Variants in CADPS2 observed in about 807,000 individuals in gnomAD.
The protein encoded by CADPS2 is calcium-dependent secretion activator 2.
CADPS2 carries 93 observed loss-of-function variants against 172.5 expected under a neutral mutation model. The ratio of observed to expected loss-of-function variants is 0.54; its 90% CI spans 0.46 to 0.64. CADPS2 has a LOEUF of 0.64. Among genes scored for constraint, CADPS2 ranks in the 30% least tolerant of loss-of-function variants. The pLI is 0.00. For missense variants in CADPS2, 1,420 were observed against 1,565.9 expected, an observed-to-expected ratio of 0.91 and a Z score of 1.57; for synonymous variants, 546 against 555.2, an observed-to-expected ratio of 0.98 and a Z score of 0.23.
At chr7:122,463,527 A>T (rs1443196804) in intron 14 of CADPS2, among the ~76,000 whole-genome samples, 1 of 152,222 alleles carries the variant, frequency 6.6e-6, no homozygotes, top group Non-Finnish European at 1.5e-5. Context: ...AATTTTAATT[A>T]AATAGTACAT....
intron 1 of CADPS2, among the ~76,000 whole-genome samples, chr7:122,784,765 T>C (rs2139498581): frequency 6.6e-6 from 1 of 152,282 alleles, no homozygotes; most frequent in East Asian, 1.9e-4. Context: ...AATTTGAGAA[T>C]TTTATCAGAA....
chr7:122,459,379 TC>T (rs2054177361), intron 14 of CADPS2, among the ~76,000 whole-genome samples: 1 of 152,060 alleles, frequency 6.6e-6, no homozygotes. Context: ...TAAGAAAAAT[TC>T]CCAAAGGTAT....
At chr7:122,819,525 C>A (rs1014329338) in intron 1 of CADPS2, among the ~76,000 whole-genome samples, 5 of 152,146 alleles carry the variant, frequency 3.3e-5, no homozygotes, top group African/African-American at 1.2e-4. Context: ...ACATTACCTT[C>A]TTTTCAAGGG....
chr7:122,765,053 T>A (rs2093504453), intron 1 of CADPS2, among the ~76,000 whole-genome samples: 1 of 152,180 alleles, frequency 6.6e-6, no homozygotes, highest in African/African-American at 2.4e-5. Context: ...CCTGATTCAC[T>A]CTCTCATGAA....
intron 8 of CADPS2, among the ~76,000 whole-genome samples, chr7:122,516,893 G>GT (rs2060420301): frequency 6.6e-6 from 1 of 151,664 alleles, no homozygotes; most frequent in African/African-American, 2.4e-5. Context: ...TCCTTTTATT[G>GT]TTTGAGTAGT....
chr7:122,817,637 T>G (rs1486398807), intron 1 of CADPS2, among the ~76,000 whole-genome samples: 2 of 152,064 alleles, frequency 1.3e-5, no homozygotes, highest in African/African-American at 2.4e-5. Context: ...GTCCTGCTTT[T>G]CTGGGAAAGG....
intron 9 of CADPS2, among the ~76,000 whole-genome samples, chr7:122,512,627 G>A (rs1375210461): frequency 1.3e-5 from 2 of 152,122 alleles, no homozygotes; most frequent in East Asian, 1.9e-4. Context: ...GTGAACAGGT[G>A]ATTTCTTGGC....
At chr7:122,554,528 A>G in intron 8 of CADPS2, 22 bp downstream of exon 8, 1 of 1,549,244 alleles carries the variant, frequency 6.5e-7, no homozygotes, top group Middle Eastern at 1.7e-4. Context: ...TTCAGGAAAA[A>G]AATCCTCAAA....
chr7:122,778,496 C>T (rs1000712741), intron 1 of CADPS2, among the ~76,000 whole-genome samples: 1 of 152,220 alleles, frequency 6.6e-6, no homozygotes, highest in Non-Finnish European at 1.5e-5. Context: ...GTCTCCAGGG[C>T]ATATCAGATA....
intron 6 of CADPS2, among the ~76,000 whole-genome samples, chr7:122,595,085 T>C (rs1587692078): frequency 6.6e-6 from 1 of 151,962 alleles, no homozygotes; most frequent in Admixed American, 6.6e-5. Context: ...ACCCTCAACT[T>C]TGATGCCTAT....
intron 2 of CADPS2, among the ~76,000 whole-genome samples, chr7:122,699,991 G>A (rs2085768552): frequency 6.6e-6 from 1 of 152,114 alleles, no homozygotes; most frequent in Non-Finnish European, 1.5e-5. Context: ...CCTATTAGAA[G>A]ATTCCACAGG....
At chr7:122,351,525 A>G (rs2038639720) in intron 27 of CADPS2, among the ~76,000 whole-genome samples, 1 of 151,920 alleles carries the variant, frequency 6.6e-6, no homozygotes, top group Admixed American at 6.6e-5. Flanking sequence ...AACTGGGAGT[A>G]GACAATTCTG....
At chr7:122,408,433 T>A (rs929217374) in intron 19 of CADPS2, among the ~76,000 whole-genome samples, 3 of 152,136 alleles carry the variant, frequency 2.0e-5, no homozygotes, top group African/African-American at 7.2e-5. Context: ...TCATTTCATT[T>A]ATTTTTTTTG....
intron 2 of CADPS2, among the ~76,000 whole-genome samples, chr7:122,679,724 TTC>T (rs199564848): frequency 0.066 from 10,077 of 152,144 alleles, 379 homozygotes; most frequent in South Asian, 0.17. Context: ...GCTTTAAAAT[TTC>T]TCTCTTTTGT....
intron 4 of CADPS2, among the ~76,000 whole-genome samples, chr7:122,624,863 A>G (rs2075930193): frequency 1.3e-5 from 2 of 152,164 alleles, no homozygotes; most frequent in Non-Finnish European, 2.9e-5. Context: ...GTCCTGATAG[A>G]CTTAGTAAAC....
At chr7:122,590,056 A>C (rs73218232) in intron 6 of CADPS2, among the ~76,000 whole-genome samples, 31,679 of 151,652 alleles carry the variant, frequency 0.21, 3,508 homozygotes, top group East Asian at 0.38. Flanking sequence ...CCAGTGGTTC[A>C]ACGTGAATTC....
intron 17 of CADPS2, among the ~76,000 whole-genome samples, chr7:122,428,469 A>ATT (rs1325025976): frequency 2.4e-5 from 3 of 124,944 alleles, no homozygotes; most frequent in African/African-American, 1.1e-4. Context: ...ATATATATAT[A>ATT]TATTTTTTTT....
chr7:122,453,824 G>C (rs1250814231), intron 14 of CADPS2, among the ~76,000 whole-genome samples: 2 of 152,156 alleles, frequency 1.3e-5, no homozygotes, highest in Non-Finnish European at 2.9e-5. Flanking sequence ...GATGACAAGT[G>C]AGAAAGGTAA....
intron 1 of CADPS2, among the ~76,000 whole-genome samples, chr7:122,846,022 A>T (rs1041642267): frequency 6.6e-6 from 1 of 152,232 alleles, no homozygotes; most frequent in African/African-American, 2.4e-5. Context: ...TTAAGGAGTA[A>T]GAAAATATGA....
Sources: gnomAD v4.1 joint callset for allele counts (sites outside exome capture counted in the v4.1 genomes callset) on GRCh38, gnomAD v4.1.1 for gene constraint, MANE v1.5 for transcripts, NCBI Gene and HGNC (gene_info 2026-07-23, HGNC 2026-07-21) for gene names.